Variants in PSD3 observed in about 807,000 individuals in gnomAD.
The protein encoded by PSD3 is PH and SEC7 domain-containing protein 3.
Under a neutral mutation model 105.5 loss-of-function variants are expected in PSD3, and 49 were observed. The ratio of observed to expected loss-of-function variants is 0.46; its 90% CI spans 0.37 to 0.59. The LOEUF is 0.59. Ranked by LOEUF, PSD3 falls within the 20% of genes least tolerant of loss-of-function variation. PSD3 has a pLI of 0.00. For synonymous variants in PSD3, 557 were observed against 457.8 expected, an observed-to-expected ratio of 1.22 and a Z score of -2.77; for missense variants, 1,561 against 1,263.8, an observed-to-expected ratio of 1.24 and a Z score of -3.57.
intron 4 of PSD3, among the ~76,000 whole-genome samples, chr8:18,851,854 G>A (rs1460941079): frequency 6.6e-6 from 1 of 152,222 alleles, no homozygotes; most frequent in Non-Finnish European, 1.5e-5. Flanking sequence ...TCCTTCTGGA[G>A]AGTGGGACCA....
intron 12 of PSD3, among the ~76,000 whole-genome samples, chr8:18,586,613 A>T (rs888943213): frequency 6.6e-6 from 1 of 152,108 alleles, no homozygotes; most frequent in Non-Finnish European, 1.5e-5. Context: ...GGTGGTCTTC[A>T]AAGCCAGCCA....
At chr8:19,074,502 T>C (rs1461601228) in intron 1 of PSD3, among the ~76,000 whole-genome samples, 1 of 151,384 alleles carries the variant, frequency 6.6e-6, no homozygotes, top group Non-Finnish European at 1.5e-5. Context: ...TTTCATGACA[T>C]TGTATTGTTT....
At position 18,556,265 on chromosome 8, in the gene PSD3, C is replaced by T. The variant is rs766566926; in HGVS notation, c.2872G>A (p.Val958Ile). Residue 958 changes from valine (V) to isoleucine (I), a missense_variant, in exon 15 of 16, where the codon GTC becomes ATC. Transcript: ENST00000327040. ...EHRSYPPDKK[V>I]KAKDVDEYKL... Reference sequence around the variant, plus strand: ...TACTCATCGACGTCCTTGGCTTTGACCTTCTTGTCGGGGGGATATGAGCGG... The same window carrying T: ...TACTCATCGACGTCCTTGGCTTTGATCTTCTTGTCGGGGGGATATGAGCGG... 1 of 1,614,006 alleles carries T rather than the reference C, an allele frequency of 6.2e-7. No homozygotes were observed. The highest frequency in any genetic ancestry group is 1.1e-5 in the South Asian group (1 of 91,080).
At chr8:18,756,108 C>T (rs1017280859) in intron 9 of PSD3, among the ~76,000 whole-genome samples, 1 of 152,164 alleles carries the variant, frequency 6.6e-6, no homozygotes, top group Non-Finnish European at 1.5e-5. Flanking sequence ...CCGACTTACA[C>T]AGGACAGGCA....
intron 2 of PSD3, among the ~76,000 whole-genome samples, chr8:18,933,792 T>G (rs538867245): frequency 2.6e-4 from 40 of 152,276 alleles, no homozygotes; most frequent in African/African-American, 9.4e-4. Context: ...TTCAAAAGTC[T>G]GGGGATAACT....
intron 1 of PSD3, among the ~76,000 whole-genome samples, chr8:19,065,734 T>C (rs77452207): frequency 6.6e-6 from 1 of 152,166 alleles, no homozygotes; most frequent in African/African-American, 2.4e-5. Context: ...TATCCAGAAG[T>C]TGCTCAAGCC....
At chr8:18,943,929 C>A (rs1014575583) in intron 1 of PSD3, among the ~76,000 whole-genome samples, 7 of 151,944 alleles carry the variant, frequency 4.6e-5, no homozygotes, top group Non-Finnish European at 7.4e-5. Flanking sequence ...CTGAGGAATG[C>A]AGCTAGACCA....
chr8:18,671,596 A>G (rs1799784425), intron 9 of PSD3, among the ~76,000 whole-genome samples: 1 of 151,426 alleles, frequency 6.6e-6, no homozygotes, highest in Admixed American at 6.6e-5. Flanking sequence ...TCCAGAAGCC[A>G]TTGTGTTCAC....
At chr8:19,024,633 G>A (rs144493102) in intron 1 of PSD3, among the ~76,000 whole-genome samples, 1 of 152,144 alleles carries the variant, frequency 6.6e-6, no homozygotes, top group Non-Finnish European at 1.5e-5. Context: ...GCCCAAGGAT[G>A]GAGTTGGTTA....
intron 1 of PSD3, among the ~76,000 whole-genome samples, chr8:18,999,118 G>T (rs531091659): frequency 2.2e-4 from 33 of 152,124 alleles, no homozygotes; most frequent in African/African-American, 7.2e-4. Flanking sequence ...TGCCAAAAGT[G>T]ATTTTAGAAC....
intron 11 of PSD3, among the ~76,000 whole-genome samples, chr8:18,618,729 G>C (rs539903744): frequency 6.6e-6 from 1 of 151,610 alleles, no homozygotes; most frequent in African/African-American, 2.4e-5. Flanking sequence ...TTTGTAAGAC[G>C]GAGTGCAGTG....
At chr8:18,769,400 A>G (rs1383702102) in intron 8 of PSD3, among the ~76,000 whole-genome samples, 1 of 152,194 alleles carries the variant, frequency 6.6e-6, no homozygotes, top group Non-Finnish European at 1.5e-5. Context: ...GAGTATAAAA[A>G]CGAAAATTTT....
At chr8:18,663,320 A>T (rs1008374869) in intron 9 of PSD3, among the ~76,000 whole-genome samples, 1 of 152,074 alleles carries the variant, frequency 6.6e-6, no homozygotes, top group Non-Finnish European at 1.5e-5. Context: ...CCAGCTACTT[A>T]GAGGCTGATG....
chr8:18,537,173 A>G (rs1272825646), intron 15 of PSD3, among the ~76,000 whole-genome samples: 3 of 152,218 alleles, frequency 2.0e-5, no homozygotes, highest in Non-Finnish European at 4.4e-5. Context: ...GTTGCCGATG[A>G]TGACATTTAT....
chr8:18,800,114 T>A (rs750926739), intron 7 of PSD3, among the ~76,000 whole-genome samples: 3 of 152,206 alleles, frequency 2.0e-5, no homozygotes, highest in Non-Finnish European at 2.9e-5. Flanking sequence ...TTCTCGAAAG[T>A]ATTTTAAGAA....
chr8:18,897,843 A>C (rs1209408895), intron 2 of PSD3, among the ~76,000 whole-genome samples: 1 of 152,076 alleles, frequency 6.6e-6, no homozygotes, highest in Admixed American at 6.6e-5. Context: ...GATTTTTCTA[A>C]GTTGATTTTG....
intron 10 of PSD3, among the ~76,000 whole-genome samples, chr8:18,646,246 A>T (rs1808025916): frequency 6.6e-6 from 1 of 152,162 alleles, no homozygotes; most frequent in Non-Finnish European, 1.5e-5. Flanking sequence ...AAATGTCTTC[A>T]TCCCAAATAA....
chr8:18,813,439 T>A (rs901178609), intron 4 of PSD3, among the ~76,000 whole-genome samples: 2 of 152,186 alleles, frequency 1.3e-5, no homozygotes, highest in Non-Finnish European at 2.9e-5. Flanking sequence ...CACCCTTATG[T>A]TGGTGGAGGG....
chr8:18,621,331 C>T (rs1806093475), intron 11 of PSD3, among the ~76,000 whole-genome samples: 1 of 152,138 alleles, frequency 6.6e-6, no homozygotes, highest in Non-Finnish European at 1.5e-5. Context: ...TTGCTTGAAC[C>T]AGGGAGACAG....
Sources: allele counts gnomAD v4.1 joint callset (sites outside exome capture counted in the v4.1 genomes callset), GRCh38; gene constraint gnomAD v4.1.1; transcripts MANE v1.5; gene names NCBI Gene and HGNC (gene_info 2026-07-23, HGNC 2026-07-21).